Variants in GON4L observed in about 807,000 individuals in gnomAD.
GON4L encodes the protein gon-4 like.
In GON4L, 87 loss-of-function variants were observed where a neutral mutation model predicts 211.8. The observed-to-expected ratio is 0.41, with a 90% CI of 0.35 to 0.49. The LOEUF (loss-of-function observed/expected upper bound fraction) is 0.49. Among genes scored for constraint, GON4L ranks in the 20% least tolerant of loss-of-function variants. The pLI is 0.15. For synonymous variants in GON4L, 875 were observed against 962.6 expected, an observed-to-expected ratio of 0.91 and a Z score of 1.68; for missense variants, 2,155 against 2,659.5, an observed-to-expected ratio of 0.81 and a Z score of 4.17.
At chr1:155,762,445 A>G in intron 22 of GON4L, 71 bp from the exon 23 acceptor site, 1 of 1,261,844 alleles carries the variant, frequency 7.9e-7, no homozygotes, top group Non-Finnish European at 1.1e-6. Flanking sequence ...CACCACATGC[A>G]CCACCCCAGC....
At chr1:155,850,986 G>A (rs1348711882) in intron 2 of GON4L, among the ~76,000 whole-genome samples, 9 of 149,078 alleles carry the variant, frequency 6.0e-5, no homozygotes, top group East Asian at 4.0e-4. Flanking sequence ...CCTGGGAGGC[G>A]GAGGTTGCAG....
chr1:155,850,847 G>A (rs1205772486), intron 2 of GON4L, among the ~76,000 whole-genome samples: 3 of 150,716 alleles, frequency 2.0e-5, no homozygotes, highest in Non-Finnish European at 4.4e-5. Flanking sequence ...TCAGGAGTTC[G>A]AGACCAGCGT....
chr1:155,778,995 G>A (rs559947961), intron 14 of GON4L, among the ~76,000 whole-genome samples: 38 of 151,918 alleles, frequency 2.5e-4, no homozygotes, highest in African/African-American at 8.5e-4. Flanking sequence ...GGCCGGACGC[G>A]GTGGCTCACG....
At chr1:155,829,052 A>C (rs959895663) in intron 2 of GON4L, among the ~76,000 whole-genome samples, 5 of 152,136 alleles carry the variant, frequency 3.3e-5, no homozygotes, top group Non-Finnish European at 7.4e-5. Context: ...TTCAAAACAC[A>C]TGGCCAGTCT....
chr1:155,786,983 G>A (rs531784696), intron 12 of GON4L, among the ~76,000 whole-genome samples: 33 of 151,738 alleles, frequency 2.2e-4, no homozygotes, highest in East Asian at 1.4e-3. Context: ...GTGCAGTGGC[G>A]CGATCTCAGC....
At chr1:155,808,237 C>T (rs1157248055) in intron 10 of GON4L, among the ~76,000 whole-genome samples, 1 of 152,016 alleles carries the variant, frequency 6.6e-6, no homozygotes, top group Non-Finnish European at 1.5e-5. Flanking sequence ...TGGGGTTTTA[C>T]CATGTTGGCC....
intron 2 of GON4L, among the ~76,000 whole-genome samples, chr1:155,849,327 G>A (rs996230856): frequency 4.6e-5 from 7 of 151,900 alleles, no homozygotes; most frequent in Admixed American, 2.0e-4. Flanking sequence ...GGCAGATCAC[G>A]ACGTTAGGAG....
rs1343921439 is a variant in GON4L, at chr1:155,765,424, A to G, written c.4049T>C (p.Val1350Ala). The G allele has an allele frequency of 6.2e-7, 1 of 1,614,098 alleles. No individual in the cohort carries two copies. Among genetic ancestry groups the G allele is most frequent in the South Asian group, 1.1e-5 (1 of 91,084 alleles). ...PERDICDDIKVEHAVELDTGA... is the reference protein window; with the variant it reads ...PERDICDDIKAEHAVELDTGA... Reference sequence around the variant, plus strand: ...AGTGTCCAATTCCACAGCATGTTCCACTTTGATGTCATCACAAATATCACG... The same window carrying G: ...AGTGTCCAATTCCACAGCATGTTCCGCTTTGATGTCATCACAAATATCACG... Residue 1350 changes from valine to alanine, a missense_variant, in exon 21 of 32, where the codon GTG becomes GCG. By Grantham distance (64) the Val-to-Ala change is moderately conservative. Transcript: ENST00000368331.
chr1:155,761,172 G>A (rs1661752174), intron 23 of GON4L, among the ~76,000 whole-genome samples: 2 of 142,726 alleles, frequency 1.4e-5, no homozygotes. Flanking sequence ...TAGCTTATGT[G>A]TGGTTTTTTT....
intron 2 of GON4L, among the ~76,000 whole-genome samples, chr1:155,835,663 AT>A (rs1016943267): frequency 2.6e-5 from 4 of 151,694 alleles, no homozygotes; most frequent in African/African-American, 7.3e-5. Flanking sequence ...GCACCGTTTC[AT>A]TTTTTTTCCA....
chr1:155,755,569 T>C (rs1471169254), intron 27 of GON4L, among the ~76,000 whole-genome samples: 4 of 152,016 alleles, frequency 2.6e-5, no homozygotes, highest in African/African-American at 9.7e-5. Flanking sequence ...TAGCCCAAAC[T>C]AGATTAAGGC....
intron 23 of GON4L, among the ~76,000 whole-genome samples, chr1:155,761,141 A>G (rs1661747422): frequency 6.6e-6 from 1 of 151,330 alleles, no homozygotes; most frequent in Non-Finnish European, 1.5e-5. Flanking sequence ...ACAGTTCTCC[A>G]GGACACTACC....
In GON4L at chr1:155,766,069, G is replaced by T. The variant is rs1662430156; in HGVS notation, c.3404C>A (p.Pro1135His). ...VKASPCMKPAPVIHHPASVIF... is the reference protein window; with the variant it reads ...VKASPCMKPAHVIHHPASVIF... ...AACAGATGCAGGGTGGTGGATAACA[G>T]GGGCAGGTTTCATACAGGGAGAGGC... The change falls in exon 21 of 32, where the codon CCT becomes CAT. Residue 1135 changes from proline (P) to histidine (H), a missense_variant. Transcript: ENST00000368331. 1 of 1,614,206 alleles carries T rather than the reference G, an allele frequency of 6.2e-7. No homozygotes were observed. Among genetic ancestry groups the T allele is most frequent in the East Asian group, 2.2e-5 (1 of 44,886 alleles).
Position 155,794,354 on chromosome 1 carries a change from G to A in GON4L, c.1747+696C>T, listed in dbSNP as rs559923314. 3.4e-4 allele frequency among the ~76,000 whole-genome samples: 52 copies of A among 152,276 alleles called. No individual in the cohort carries two copies. In the East Asian group the frequency reaches 5.2e-3, roughly 15 times the overall value. Reference sequence around the variant, plus strand: ...CCCAAAGTGCTGGGATTACAGGCGTGAGCCACCATGCCCGCCCTTAAACCT... The same window carrying A: ...CCCAAAGTGCTGGGATTACAGGCGTAAGCCACCATGCCCGCCCTTAAACCT... On this transcript the variant is annotated intron_variant, in intron 12 of 31. Coordinates refer to ENST00000368331, the MANE Select transcript of GON4L (RefSeq NM_001282860.2).
At chr1:155,745,692 T>G (rs1437529784), downstream of GON4L, 2 of 763,040 alleles carry the variant, frequency 2.6e-6, no homozygotes, top group Non-Finnish European at 4.2e-6. Context: ...CGGCGCATCA[T>G]TTCTCCAATG....
At chr1:155,754,521 GTTGT>G in intron 27 of GON4L, 33 bp from the exon 28 acceptor site, 13 of 601,028 alleles carry the variant, frequency 2.2e-5, no homozygotes, top group East Asian at 6.7e-5. Flanking sequence ...TAGCTGCCAA[GTTGT>G]TTTTTTTTTT....
At chr1:155,749,212 A>T, downstream of GON4L, 1 of 1,401,678 alleles carries the variant, frequency 7.1e-7, no homozygotes. Flanking sequence ...AGATCACACC[A>T]TTGCACTCCA....
At chr1:155,780,142 G>C (rs1664271222) in intron 14 of GON4L, among the ~76,000 whole-genome samples, 1 of 152,134 alleles carries the variant, frequency 6.6e-6, no homozygotes, top group South Asian at 2.1e-4. Context: ...CCTTCATGGA[G>C]AGCAGTAGGG....
intron 2 of GON4L, among the ~76,000 whole-genome samples, chr1:155,833,902 A>AAG: frequency 6.6e-6 from 1 of 152,028 alleles, no homozygotes; most frequent in Middle Eastern, 3.4e-3. Context: ...ATCAGAGCTC[A>AAG]CTGCAACCTT....
Sources: gnomAD v4.1 joint callset for allele counts (sites outside exome capture counted in the v4.1 genomes callset) on GRCh38, gnomAD v4.1.1 for gene constraint, MANE v1.5 for transcripts, NCBI Gene and HGNC (gene_info 2026-07-23, HGNC 2026-07-21) for gene names.